Variants in HSBP1L1 observed in about 807,000 individuals in gnomAD.
HSBP1L1 encodes the protein heat shock factor binding protein 1 like 1.
In HSBP1L1, 8 loss-of-function variants were observed where a neutral mutation model predicts 9.7. The ratio of observed to expected loss-of-function variants is 0.82; its 90% CI spans 0.48 to 1.48. HSBP1L1 has a LOEUF of 1.48. Ranked by LOEUF, HSBP1L1 falls within the 40% of genes most tolerant of loss-of-function variation. HSBP1L1 has a pLI of 0.00. For synonymous variants in HSBP1L1, 39 were observed against 34.4 expected (o/e 1.13, Z -0.46); for missense variants, 106 against 95.8 (o/e 1.11, Z -0.44).
intron 3 of HSBP1L1, among the ~76,000 whole-genome samples, chr18:79,969,386 AGAAAG>A (rs2051282212): frequency 8.0e-5 from 5 of 62,314 alleles, no homozygotes; most frequent in African/African-American, 2.1e-4. Context: ...AAAGAAAGAA[AGAAAG>A]AAAAAAAAAC....
chr18:79,965,767 G>A (rs1294617149), intron 1 of HSBP1L1, among the ~76,000 whole-genome samples: 1 of 152,136 alleles, frequency 6.6e-6, no homozygotes, highest in East Asian at 1.9e-4. Context: ...TTCATGGTGT[G>A]TGGTGTGAGG....
chr18:79,965,728 C>A (rs569742125), intron 1 of HSBP1L1, among the ~76,000 whole-genome samples: 1 of 152,162 alleles, frequency 6.6e-6, no homozygotes, highest in African/African-American at 2.4e-5. Context: ...ATGGCCTTGG[C>A]TCTGGGCCAA....
chr18:79,968,609 C>T (rs925847480), intron 3 of HSBP1L1, among the ~76,000 whole-genome samples: 1 of 152,038 alleles, frequency 6.6e-6, no homozygotes. Flanking sequence ...CAGGCGTGAG[C>T]CACCACGCCC....
intron 3 of HSBP1L1, among the ~76,000 whole-genome samples, chr18:79,968,724 C>A (rs1017356243): frequency 1.3e-5 from 2 of 152,070 alleles, no homozygotes; most frequent in Non-Finnish European, 2.9e-5. Context: ...CCGCCTCGGC[C>A]TCCCAAAGTG....
At chr18:79,967,883 T>C (rs1007550031) in intron 2 of HSBP1L1, 7 of 439,440 alleles carry the variant, frequency 1.6e-5, no homozygotes, top group African/African-American at 1.0e-4. Flanking sequence ...GGAGCCACGT[T>C]TTCTAAGCTC....
intron 2 of HSBP1L1, among the ~76,000 whole-genome samples, chr18:79,967,147 CAAAAAA>C (rs5826682): frequency 9.5e-6 from 1 of 105,194 alleles, no homozygotes; most frequent in Non-Finnish European, 2.0e-5. Context: ...GACTCCGTCT[CAAAAAA>C]AAAAAAAAAA....
intron 3 of HSBP1L1, among the ~76,000 whole-genome samples, chr18:79,969,825 T>A (rs769241122): frequency 2.3e-4 from 35 of 152,254 alleles, no homozygotes; most frequent in Admixed American, 9.2e-4. Context: ...TGCTGCCTGA[T>A]AGTCCTCTGA....
intron 1 of HSBP1L1, 66 bp from the exon 2 acceptor site, chr18:79,966,544 GAA>G (rs149080363): frequency 7.2e-4 from 746 of 1,030,612 alleles, no homozygotes; most frequent in African/African-American, 2.8e-3. Flanking sequence ...CTTCATCTCA[GAA>G]AAAAAAAAAA....
intron 2 of HSBP1L1, chr18:79,966,934 G>A (rs991182711): frequency 4.1e-5 from 15 of 362,500 alleles, no homozygotes; most frequent in Non-Finnish European, 7.7e-5. Flanking sequence ...AGATCACGAG[G>A]TCAGGAGATG....
chr18:79,969,261 AGG>A (rs1213916829), intron 3 of HSBP1L1, among the ~76,000 whole-genome samples: 252 of 7,832 alleles, frequency 0.032, 26 homozygotes, highest in African/African-American at 0.055. Flanking sequence ...AGAGAGAGAG[AGG>A]GAGGGAGGGA....
Position 79,970,604 on chromosome 18 carries a change from AAGG to A in HSBP1L1, c.*157_*159del. On this transcript the variant is annotated 3_prime_UTR_variant, in exon 4 of 4. Coordinates refer to ENST00000451882, the MANE Select transcript of HSBP1L1 (RefSeq NM_001136180.2). ...TCTCCCCTCCGTGCCTGCACCAGAG[AAGG>A]AGGCCATCGGCAAGCCAAGGAGAGC... is the stretch of plus-strand genomic sequence containing the variant. 1.6e-6 allele frequency: 1 copy of A among 623,928 alleles called. No individual in the cohort carries two copies. The highest frequency in any genetic ancestry group is 3.0e-6 in the Non-Finnish European group (1 of 334,172). The allele number at this position is 623,928 out of a possible 1,614,324, so 38.6% of individuals were successfully genotyped here.
intron 1 of HSBP1L1, among the ~76,000 whole-genome samples, chr18:79,965,439 G>A (rs1177792556): frequency 1.3e-5 from 2 of 152,142 alleles, no homozygotes; most frequent in African/African-American, 4.8e-5. Flanking sequence ...ACCATGGTAC[G>A]TGGGGCTCCC....
At chr18:79,965,852 TC>T (rs2051253923) in intron 1 of HSBP1L1, among the ~76,000 whole-genome samples, 1 of 152,174 alleles carries the variant, frequency 6.6e-6, no homozygotes, top group Admixed American at 6.5e-5. Context: ...GACTTTCCTT[TC>T]CCTCTGAATC....
intron 3 of HSBP1L1, 78 bp from the exon 4 acceptor site, chr18:79,970,362 G>A (rs951554708): frequency 1.5e-5 from 11 of 716,992 alleles, no homozygotes; most frequent in Admixed American, 8.0e-5. Context: ...CAGTGAGAAC[G>A]TTATTAAAAT....
chr18:79,969,389 A>G (rs1169129341), intron 3 of HSBP1L1, among the ~76,000 whole-genome samples: 1 of 61,524 alleles, frequency 1.6e-5, no homozygotes, highest in Non-Finnish European at 3.8e-5. Context: ...GAAAGAAAGA[A>G]AGAAAAAAAA....
intron 1 of HSBP1L1, among the ~76,000 whole-genome samples, chr18:79,965,278 AG>A (rs2051251316): frequency 6.6e-6 from 1 of 152,200 alleles, no homozygotes; most frequent in African/African-American, 2.4e-5. Flanking sequence ...CAGGCCCACA[AG>A]AGGACTGGCT....
intron 3 of HSBP1L1, 110 bp from the exon 4 acceptor site, chr18:79,970,330 C>A (rs561989345): frequency 1.8e-4 from 126 of 703,630 alleles, no homozygotes; most frequent in Non-Finnish European, 2.8e-4. Context: ...ATGATTTCAA[C>A]TGTACTGCAG....
intron 1 of HSBP1L1, among the ~76,000 whole-genome samples, chr18:79,965,050 G>T (rs1211877216): frequency 3.0e-5 from 4 of 134,862 alleles, no homozygotes; most frequent in Non-Finnish European, 6.4e-5. Flanking sequence ...GTGCAGGGGG[G>T]AGCCCTGCTG....
rs1195209410 is a variant in HSBP1L1 at position 79,969,331 on chromosome 18, AAAAGAAAGAAAGAAAGAAAGAAAG to A, written c.214-1069_214-1046del. ...GAGAAAGGAAAGAAAGAAAGAAAGA[AAAAGAAAGAAAGAAAGAAAGAAAG>A]AAAGAAAGAAAGAAAGAAAGAAAGA... On this transcript the variant is annotated intron_variant, in intron 3 of 3. Transcript: ENST00000451882. 6.4e-4 allele frequency among the ~76,000 whole-genome samples: 46 copies of A among 72,018 alleles called. 1 individual carries two copies. Among genetic ancestry groups the A allele is most frequent in the African/African-American group, 1.2e-3 (21 of 17,318 alleles). 47.2% of individuals were successfully genotyped at this position (72,018 alleles called of 152,430 possible).
Sources: allele counts gnomAD v4.1 joint callset (sites outside exome capture counted in the v4.1 genomes callset), GRCh38; gene constraint gnomAD v4.1.1; transcripts MANE v1.5; gene names NCBI Gene and HGNC (gene_info 2026-07-23, HGNC 2026-07-21).